Variants in ATRNL1 observed in about 807,000 individuals in gnomAD.
ATRNL1 encodes the protein attractin-like protein 1.
Under a neutral mutation model 182.7 loss-of-function variants are expected in ATRNL1, and 95 were observed. The ratio of observed to expected loss-of-function variants is 0.52; its 90% CI spans 0.44 to 0.62. ATRNL1 has a LOEUF of 0.62. ATRNL1 is among the 20% of genes least tolerant of loss of function. ATRNL1 has a pLI of 0.00. For missense variants in ATRNL1, 1,471 were observed against 1,679.5 expected, an observed-to-expected ratio of 0.88 and a Z score of 2.17; for synonymous variants, 576 against 568.3, an observed-to-expected ratio of 1.01 and a Z score of -0.19.
At chr10:115,499,100 A>G (rs1202745279) in intron 24 of ATRNL1, among the ~76,000 whole-genome samples, 1 of 152,150 alleles carries the variant, frequency 6.6e-6, no homozygotes, top group Non-Finnish European at 1.5e-5. Context: ...GAAATCTCAT[A>G]AATATGCAAA....
At chr10:115,916,938 C>T (rs1419892125) in intron 28 of ATRNL1, among the ~76,000 whole-genome samples, 2 of 152,226 alleles carry the variant, frequency 1.3e-5, no homozygotes, top group Non-Finnish European at 2.9e-5. Flanking sequence ...GACTGGCCCC[C>T]TGTCAGGAAC....
intron 25 of ATRNL1, among the ~76,000 whole-genome samples, chr10:115,535,979 A>G (rs1851966832): frequency 6.7e-6 from 1 of 150,020 alleles, no homozygotes; most frequent in African/African-American, 2.5e-5. Context: ...GTTTTGTCTC[A>G]GAGGATTACC....
Position 115,275,215 on chromosome 10 carries a change from A to G in ATRNL1, c.2101-6140A>G, listed in dbSNP as rs535251205. Among the ~76,000 whole-genome samples, 10 of 152,224 alleles carry G rather than the reference A, an allele frequency of 6.6e-5. No individual in the cohort carries two copies. The South Asian group carries it at 2.1e-3, about 32-fold the overall frequency. ...GTCTATTCCAATTATGCATTCTGGAACTGGGAAAATAGCCACAGGATGGGT... is the reference window on the plus strand; with the variant it reads ...GTCTATTCCAATTATGCATTCTGGAGCTGGGAAAATAGCCACAGGATGGGT... On this transcript the variant is annotated intron_variant, in intron 13 of 28. Coordinates refer to ENST00000355044, the MANE Select transcript of ATRNL1 (RefSeq NM_207303.4).
chr10:115,234,601 T>TC (rs1370018871), intron 9 of ATRNL1, among the ~76,000 whole-genome samples: 1 of 150,410 alleles, frequency 6.6e-6, no homozygotes, highest in African/African-American at 2.4e-5. Context: ...TCTTTTTTTT[T>TC]TTTTTTTGAG....
At chr10:115,665,338 G>T (rs1860939427) in intron 26 of ATRNL1, among the ~76,000 whole-genome samples, 1 of 151,980 alleles carries the variant, frequency 6.6e-6, no homozygotes, top group African/African-American at 2.4e-5. Context: ...CACAAAGAAG[G>T]TAAGTGGCTT....
chr10:115,873,557 G>A (rs573917922), intron 28 of ATRNL1, among the ~76,000 whole-genome samples: 1 of 152,178 alleles, frequency 6.6e-6, no homozygotes, highest in African/African-American at 2.4e-5. Flanking sequence ...TAACATATAG[G>A]TATATGTAGA....
chr10:115,196,107 A>G (rs942463573), intron 8 of ATRNL1, among the ~76,000 whole-genome samples: 8 of 152,072 alleles, frequency 5.3e-5, no homozygotes, highest in African/African-American at 1.9e-4. Flanking sequence ...GCTACAGTGA[A>G]CTATGATTGT....
chr10:115,338,749 G>A (rs184298210), intron 19 of ATRNL1, among the ~76,000 whole-genome samples: 27 of 152,134 alleles, frequency 1.8e-4, no homozygotes, highest in Non-Finnish European at 3.1e-4. Context: ...CCATTTGTCC[G>A]TTTTTGCTTT....
At chr10:115,486,503 A>G (rs921510485) in intron 24 of ATRNL1, among the ~76,000 whole-genome samples, 3 of 152,080 alleles carry the variant, frequency 2.0e-5, no homozygotes, top group Admixed American at 6.6e-5. Flanking sequence ...ACCGGTGATG[A>G]TGAGCTTTTT....
intron 10 of ATRNL1, among the ~76,000 whole-genome samples, chr10:115,245,576 G>T (rs1231775477): frequency 6.6e-6 from 1 of 151,304 alleles, no homozygotes; most frequent in East Asian, 1.9e-4. Context: ...CAACTGTTTG[G>T]AGTGATATAT....
intron 26 of ATRNL1, among the ~76,000 whole-genome samples, chr10:115,566,609 T>C (rs1258395606): frequency 6.6e-6 from 1 of 152,126 alleles, no homozygotes; most frequent in Non-Finnish European, 1.5e-5. Flanking sequence ...ATTTTAGGAA[T>C]CTGAGTGGAG....
intron 27 of ATRNL1, among the ~76,000 whole-genome samples, chr10:115,804,259 C>T (rs77711703): frequency 0.05 from 7,544 of 152,210 alleles, 536 homozygotes; most frequent in African/African-American, 0.16. Flanking sequence ...ATTTGACTAA[C>T]ATCTCCCCAG....
chr10:115,118,050 G>T (rs782240835), intron 1 of ATRNL1, among the ~76,000 whole-genome samples: 1 of 151,924 alleles, frequency 6.6e-6, no homozygotes, highest in Non-Finnish European at 1.5e-5. Flanking sequence ...AAATTGGATT[G>T]TTGGCTTTTT....
intron 28 of ATRNL1, among the ~76,000 whole-genome samples, chr10:115,902,634 A>G (rs1952389923): frequency 6.6e-6 from 1 of 152,222 alleles, no homozygotes; most frequent in South Asian, 2.1e-4. Flanking sequence ...CACAAAAAGC[A>G]AATAGCTCAA....
rs528982763 is a variant in ATRNL1 at position 115,650,398 on chromosome 10, T to G, written c.3796-76850T>G. On this transcript the variant is annotated intron_variant, in intron 26 of 28. Transcript: ENST00000355044. ...TATCTGATTTATATATAAATAAAAT[T>G]TTATTGGTCAGAAGACTTTCATAAG... Among the ~76,000 whole-genome samples the G allele has an allele frequency of 5.3e-5, 8 of 152,190 alleles. No individual in the cohort carries two copies. In the South Asian group the frequency reaches 8.3e-4, roughly 16 times the overall value.
At chr10:115,585,005 T>C (rs1228283315) in intron 26 of ATRNL1, among the ~76,000 whole-genome samples, 11 of 145,416 alleles carry the variant, frequency 7.6e-5, no homozygotes, top group East Asian at 3.9e-4. Context: ...TTTCGTTATG[T>C]ACCCAGTAGT....
chr10:115,917,485 A>AAAG (rs371905317), intron 28 of ATRNL1, among the ~76,000 whole-genome samples: 1 of 5,294 alleles, frequency 1.9e-4, no homozygotes, highest in Admixed American at 3.5e-3. Flanking sequence ...AAAAAAAAAA[A>AAAG]GAAAAAAAAA....
intron 26 of ATRNL1, among the ~76,000 whole-genome samples, chr10:115,550,497 A>G (rs1360552448): frequency 1.3e-5 from 2 of 151,822 alleles, no homozygotes; most frequent in Admixed American, 6.6e-5. Context: ...CCCATCAAAG[A>G]TCAGTACTAT....
At chr10:115,661,775 A>AT (rs71010039) in intron 26 of ATRNL1, among the ~76,000 whole-genome samples, 52,985 of 151,824 alleles carry the variant, frequency 0.35, 11,094 homozygotes, top group Non-Finnish European at 0.48. Context: ...TTAAAATTGC[A>AT]TTTTTTTTAT....
Sources: allele counts gnomAD v4.1 joint callset (sites outside exome capture counted in the v4.1 genomes callset), GRCh38; gene constraint gnomAD v4.1.1; transcripts MANE v1.5; gene names NCBI Gene and HGNC (gene_info 2026-07-23, HGNC 2026-07-21).